The following CACNG7 variants were observed in gnomAD, a reference collection of about 807,000 sequenced individuals.
CACNG7 encodes the protein calcium voltage-gated channel auxiliary subunit gamma 7.
A neutral mutation model predicts 26.3 loss-of-function variants in CACNG7; 9 were observed. The ratio of observed to expected loss-of-function variants is 0.34; its 90% CI spans 0.21 to 0.60. The LOEUF is 0.60. Among genes scored for constraint, CACNG7 ranks in the 20% least tolerant of loss-of-function variants. CACNG7 has a pLI of 0.81. For synonymous variants in CACNG7, 170 were observed against 157.0 expected (o/e 1.08, Z -0.62); for missense variants, 297 against 380.4 (o/e 0.78, Z 1.82).
chr19:53,911,473 C>A (rs2068861901), intron 1 of CACNG7, among the ~76,000 whole-genome samples: 1 of 152,116 alleles, frequency 6.6e-6, no homozygotes, highest in South Asian at 2.1e-4. Flanking sequence ...TTCCAGGATT[C>A]CAGGTCCAGG....
In CACNG7 at chr19:53,940,271, A is replaced by T. The variant is rs187976076; in HGVS notation, c.425-1199A>T. Among the ~76,000 whole-genome samples, 151 of 152,308 alleles carry T rather than the reference A, an allele frequency of 9.9e-4. No homozygotes were observed. The Middle Eastern group carries it at 0.02, about 21-fold the overall frequency. ...TATTTCCTCAATTGTAAATGGTGTT[A>T]AAAATGTACCTCCTTCAAAGAGGTG... is the stretch of plus-strand genomic sequence containing the variant. On this transcript the variant is annotated intron_variant, in intron 4 of 5. Coordinates refer to ENST00000391767, the MANE Select transcript of CACNG7 (RefSeq NM_031896.5). This position sits in a 1 kb window ranked among gnomAD's most constrained non-coding sequence, Gnocchi z 4.1.
At position 53,909,986 on chromosome 19, in the gene CACNG7, A is replaced by G. The variant is rs1026171761; in HGVS notation, c.-30+469A>G. 6.6e-6 allele frequency among the ~76,000 whole-genome samples: 1 copy of G among 151,980 alleles called. No individual in the cohort carries two copies. Among genetic ancestry groups the G allele is most frequent in the African/African-American group, 2.4e-5 (1 of 41,330 alleles). ...GAATCCGGGAAAGGGTGGGAGAAAG[A>G]GGGAGAAGAGGAGGCTTCAGGCCTG... On this transcript the variant is annotated intron_variant, in intron 1 of 5. Coordinates refer to ENST00000391767, the MANE Select transcript of CACNG7 (RefSeq NM_031896.5). The surrounding 1 kb of genome is among the most constrained non-coding windows in gnomAD (Gnocchi z 5.1).
At chr19:53,919,564 GCTGGT>G (rs2068922795) in intron 4 of CACNG7, among the ~76,000 whole-genome samples, 2 of 137,938 alleles carry the variant, frequency 1.4e-5, no homozygotes, top group Admixed American at 7.0e-5. Flanking sequence ...GTTGCCCCAG[GCTGGT>G]CATTGGTGGA....
intron 4 of CACNG7, among the ~76,000 whole-genome samples, chr19:53,934,592 T>C (rs2069093554): frequency 6.6e-6 from 1 of 151,668 alleles, no homozygotes; most frequent in African/African-American, 2.4e-5. Context: ...GTGGTCAACA[T>C]TGAGACCCTG....
intron 4 of CACNG7, among the ~76,000 whole-genome samples, chr19:53,933,096 G>A (rs1470876462): frequency 6.6e-6 from 1 of 151,772 alleles, no homozygotes; most frequent in Non-Finnish European, 1.5e-5. Context: ...CTTTGTGCGT[G>A]AGCCACTGAG....
At chr19:53,915,272 A>T in intron 3 of CACNG7, 93 bp from the exon 4 acceptor site, 2 of 930,562 alleles carry the variant, frequency 2.1e-6, no homozygotes, top group South Asian at 2.9e-5. Context: ...CCAAACAAAA[A>T]CGCAGAGGTG....
chr19:53,925,528 T>C (rs1472358629), intron 4 of CACNG7, among the ~76,000 whole-genome samples: 6 of 144,080 alleles, frequency 4.2e-5, no homozygotes, highest in African/African-American at 1.6e-4. Flanking sequence ...TTGGTGGAGT[T>C]GTCCCAGGCT....
At chr19:53,917,663 GA>G (rs1241613635) in intron 4 of CACNG7, among the ~76,000 whole-genome samples, 1 of 152,194 alleles carries the variant, frequency 6.6e-6, no homozygotes, top group East Asian at 1.9e-4. Context: ...CCTAGAGTGT[GA>G]GAGCGGAAAG....
intron 4 of CACNG7, among the ~76,000 whole-genome samples, chr19:53,921,926 T>A (rs563760672): frequency 9.3e-4 from 83 of 88,846 alleles, no homozygotes; most frequent in African/African-American, 4.9e-3. Context: ...ATTGGTGGAG[T>A]TGTCCCCAGG....
At chr19:53,937,962 T>C (rs1416252984) in intron 4 of CACNG7, among the ~76,000 whole-genome samples, 5 of 152,056 alleles carry the variant, frequency 3.3e-5, no homozygotes, top group Admixed American at 6.6e-5. Flanking sequence ...TGGGGAAATC[T>C]GGGGGAAGAG....
chr19:53,922,356 G>A (rs2068967249), intron 4 of CACNG7, among the ~76,000 whole-genome samples: 1 of 117,716 alleles, frequency 8.5e-6, no homozygotes, highest in Non-Finnish European at 1.7e-5. Flanking sequence ...CTGGTCATTG[G>A]TGGAGTTGTC....
Position 53,922,871 on chromosome 19 carries a change from G to C in CACNG7, c.424+7366G>C, listed in dbSNP as rs557521097. 9.7e-4 allele frequency among the ~76,000 whole-genome samples: 70 copies of C among 72,332 alleles called. 9 individuals are homozygous for C. Among genetic ancestry groups the C allele is most frequent in the African/African-American group, 4.1e-3 (36 of 8,838 alleles). 47.5% of individuals were successfully genotyped at this position (72,332 alleles called of 152,430 possible). A position where few individuals can be genotyped will look rare whatever the true frequency, so the allele number is the denominator to read the frequency against. On this transcript the variant is annotated intron_variant, in intron 4 of 5. Coordinates refer to ENST00000391767, the MANE Select transcript of CACNG7 (RefSeq NM_031896.5). ...GTTGCCCCAGGTCTGGTCATTGGTG[G>C]AGTTGACTCAGGCTGGTCATTGGTG...
At chr19:53,933,487 A>C (rs2069086762) in intron 4 of CACNG7, among the ~76,000 whole-genome samples, 2 of 151,014 alleles carry the variant, frequency 1.3e-5, no homozygotes, top group Non-Finnish European at 2.9e-5. Flanking sequence ...TTTAGTAGAG[A>C]GGGGGTTTCA....
In CACNG7 at chr19:53,941,502, A is replaced by C; in HGVS notation, c.457A>C (p.Ile153Leu). 1 of 1,592,286 alleles carries C rather than the reference A, an allele frequency of 6.3e-7. No homozygotes were observed. The highest frequency in any genetic ancestry group is 8.5e-7 in the Non-Finnish European group (1 of 1,172,344). ...CTTGGTGGTGGGCTTGGTTCTTTACATCTCCAGCATCAACGACGAGGTCAT... is the reference window on the plus strand; with the variant it reads ...CTTGGTGGTGGGCTTGGTTCTTTACCTCTCCAGCATCAACGACGAGGTCAT... ...LSLVVGLVLY[I>L]SSINDEVMNR... The change falls in exon 5 of 6, where the codon ATC (isoleucine) becomes CTC (leucine). Residue 153 changes from isoleucine (I) to leucine (L), a missense_variant. Transcript: ENST00000391767.
At chr19:53,922,903 CCCCAGGCCTGGTCATTGGTGGAGTTGT>C (rs2068974991) in intron 4 of CACNG7, among the ~76,000 whole-genome samples, 1 of 68,808 alleles carries the variant, frequency 1.5e-5, no homozygotes, top group Admixed American at 1.3e-4. Context: ...GGTGGAGTTG[CCCCAGGCCTGGTCATTGGTGGAGTTGT>C]CCCAGGTCTG....
At chr19:53,930,678 T>C (rs2069065940) in intron 4 of CACNG7, among the ~76,000 whole-genome samples, 1 of 151,826 alleles carries the variant, frequency 6.6e-6, no homozygotes, top group African/African-American at 2.4e-5. Flanking sequence ...GGGCCAATTT[T>C]TGTATTTTTA....
intron 4 of CACNG7, among the ~76,000 whole-genome samples, chr19:53,936,632 G>A (rs965145891): frequency 4.6e-5 from 7 of 151,760 alleles, no homozygotes; most frequent in Admixed American, 1.3e-4. Context: ...TTTTTGAGAC[G>A]GAGTCTCACT....
chr19:53,923,832 A>C, intron 4 of CACNG7, among the ~76,000 whole-genome samples: 1 of 121,634 alleles, frequency 8.2e-6, no homozygotes, highest in African/African-American at 3.6e-5. Flanking sequence ...AGGTCTGGTC[A>C]TTGGTGGAGT....
intron 4 of CACNG7, among the ~76,000 whole-genome samples, chr19:53,932,834 CTTTT>C (rs534782031): frequency 2.2e-5 from 3 of 136,862 alleles, no homozygotes; most frequent in African/African-American, 2.7e-5. Context: ...TTTCTCTCTC[CTTTT>C]TTTTTTTTTT....
Sources: allele counts gnomAD v4.1 joint callset (sites outside exome capture counted in the v4.1 genomes callset), GRCh38; gene constraint gnomAD v4.1.1; non-coding constraint Gnocchi (gnomAD v3.1); transcripts MANE v1.5; gene names NCBI Gene and HGNC (gene_info 2026-07-23, HGNC 2026-07-21).